TMEM236: variants seen among roughly 807,000 people sequenced by gnomAD.
TMEM236 encodes the protein family with sequence similarity 23, member A.
TMEM236 carries 11 observed loss-of-function variants against 14.7 expected under a neutral mutation model. The observed-to-expected ratio is 0.75, with a 90% CI of 0.47 to 1.24. The LOEUF is 1.24. Among genes scored for constraint, TMEM236 ranks in the 50% most tolerant of loss-of-function variants. TMEM236 has a pLI of 0.00. For synonymous variants in TMEM236, 182 were observed against 168.6 expected (o/e 1.08, Z -0.62); for missense variants, 464 against 427.3 (o/e 1.09, Z -0.76).
chr10:17,797,732 A>G lies in TMEM236; in HGVS notation c.*1228A>G, dbSNP rs2130543456. 6.6e-6 allele frequency: 1 copy of G among 152,324 alleles called. No homozygotes were observed. The highest frequency in any genetic ancestry group is 1.5e-5 in the Non-Finnish European group (1 of 68,030). 9.4% of individuals were successfully genotyped at this position (152,324 alleles called of 1,614,324 possible). ...CATAAAAAGCAATTCACTTTAACAG[A>G]TATTTGGCTCAGTTTAAGGCTTAGC... On this transcript the variant is annotated 3_prime_UTR_variant, in exon 4 of 4. Coordinates refer to ENST00000377495, the MANE Select transcript of TMEM236 (RefSeq NM_001098844.3).
In TMEM236 at chr10:17,785,963, G is replaced by A. The variant is rs535882134; in HGVS notation, c.472+9793G>A. On this transcript the variant is annotated intron_variant, in intron 3 of 3. Coordinates refer to ENST00000377495, the MANE Select transcript of TMEM236 (RefSeq NM_001098844.3). ...TGAGATTGGGCCAAAAGCTATACTG[G>A]AGTGAGCCGGGTACCAACAGACATA... Among the ~76,000 whole-genome samples, 11 of 152,268 alleles carry A rather than the reference G, an allele frequency of 7.2e-5. No homozygotes were observed. The South Asian group carries it at 2.1e-3, about 29-fold the overall frequency.
chr10:17,779,858 C>G (rs1478170139), intron 3 of TMEM236, among the ~76,000 whole-genome samples: 1 of 152,146 alleles, frequency 6.6e-6, no homozygotes, highest in Non-Finnish European at 1.5e-5. Flanking sequence ...TCTACCACTC[C>G]TGCTCGGCTC....
chr10:17,783,859 T>A (rs1370497964), intron 3 of TMEM236, among the ~76,000 whole-genome samples: 1 of 152,192 alleles, frequency 6.6e-6, no homozygotes, highest in African/African-American at 2.4e-5. Flanking sequence ...ATTGGCCAGT[T>A]GTATTTTTCT....
chr10:17,797,335 C>A lies in TMEM236; in HGVS notation c.*831C>A, dbSNP rs570439524. The A allele has an allele frequency of 2.0e-5, 3 of 150,470 alleles. No homozygotes were observed. The highest frequency in any genetic ancestry group is 2.0e-4 in the Admixed American group (3 of 15,154). 9.3% of individuals were successfully genotyped at this position (150,470 alleles called of 1,614,324 possible). ...TGAGACGATGTCTCGCTCTTGTCCC[C>A]TAGGCTGGAGTGCGATGGCGCGTTC... On this transcript the variant is annotated 3_prime_UTR_variant, in exon 4 of 4. Transcript: ENST00000377495.
rs1837220136 is a variant in TMEM236, at chr10:17,752,243, G to T, written c.-53G>T. ...TTCAGTGTCTGTGGGTCCATATGCT[G>T]CCCACAGTCAAAGAGGGAGTCCCAG... On this transcript the variant is annotated 5_prime_UTR_variant, in exon 1 of 4. Transcript: ENST00000377495. The T allele has an allele frequency of 6.2e-7, 1 of 1,613,720 alleles. No homozygotes were observed. Among genetic ancestry groups the T allele is most frequent in the African/African-American group, 1.3e-5 (1 of 74,912 alleles).
intron 2 of TMEM236, 24 bp downstream of exon 2, chr10:17,771,405 G>T (rs1837570090): frequency 3.1e-6 from 5 of 1,605,168 alleles, no homozygotes; most frequent in Non-Finnish European, 4.3e-6. Flanking sequence ...GATTTCTTCT[G>T]CTACAAGATT....
At chr10:17,771,194 A>T in intron 1 of TMEM236, 115 bp from the exon 2 acceptor site, 1 of 937,852 alleles carries the variant, frequency 1.1e-6, no homozygotes, top group Non-Finnish European at 1.7e-6. Flanking sequence ...GGGAAGCAGC[A>T]GCTTCTTAGA....
intron 1 of TMEM236, among the ~76,000 whole-genome samples, chr10:17,768,410 CTT>C (rs1837510784): frequency 6.6e-6 from 1 of 151,808 alleles, no homozygotes; most frequent in African/African-American, 2.4e-5. Context: ...TTAAAAAAGA[CTT>C]TAGGTAATTT....
intron 3 of TMEM236, among the ~76,000 whole-genome samples, chr10:17,794,496 T>C (rs1837976960): frequency 1.7e-5 from 2 of 114,916 alleles, no homozygotes; most frequent in South Asian, 5.1e-4. Flanking sequence ...TTGTACATAA[T>C]CCAACCTCAA....
rs1838053403 is a variant in TMEM236 at position 17,798,725 on chromosome 10, G to C, written c.*2221G>C. 7.5e-6 allele frequency: 4 copies of C among 533,560 alleles called. No homozygotes were observed. The Admixed American group carries it at 7.8e-5, about 10-fold the overall frequency. 33.1% of individuals were successfully genotyped at this position (533,560 alleles called of 1,614,324 possible). A position where few individuals can be genotyped will look rare whatever the true frequency, so the allele number is the denominator to read the frequency against. ...TGAGGTAGGTTCTATAACCTCTGTG[G>C]GTCCCCGTTTCCACATGTAAAAGAT... is the stretch of plus-strand genomic sequence containing the variant. On this transcript the variant is annotated 3_prime_UTR_variant, in exon 4 of 4. Transcript: ENST00000377495.
rs1445072305 is a variant in TMEM236, at chr10:17,770,541, G to A, written c.258-768G>A. On this transcript the variant is annotated intron_variant, in intron 1 of 3. Transcript: ENST00000377495. The stretch of plus-strand genomic sequence containing the variant: ...TGGGACTACAGGTGCTCGCCACCAC[G>A]CCCGGCTAATATTTTGTATTTTTAG... Among the ~76,000 whole-genome samples, 13 of 152,114 alleles carry A rather than the reference G, an allele frequency of 8.5e-5. 2 individuals carry two copies. The highest frequency in any genetic ancestry group is 1.9e-4 in the East Asian group (1 of 5,158).
intron 1 of TMEM236, among the ~76,000 whole-genome samples, chr10:17,766,443 T>C (rs1432530472): frequency 6.6e-6 from 1 of 152,190 alleles, no homozygotes; most frequent in Non-Finnish European, 1.5e-5. Flanking sequence ...TTCATGACAA[T>C]GTATCTACTC....
At chr10:17,790,091 G>A (rs887793872) in intron 3 of TMEM236, among the ~76,000 whole-genome samples, 31 of 152,056 alleles carry the variant, frequency 2.0e-4, no homozygotes, top group Admixed American at 1.5e-3. Context: ...TGAGCCAGGC[G>A]TCATAGCGCA....
Position 17,755,564 on chromosome 10 carries a change from G to C in TMEM236, c.257+3012G>C, listed in dbSNP as rs1413455308. On this transcript the variant is annotated intron_variant, in intron 1 of 3. Transcript: ENST00000377495. ...GTTGTTGGCACTGCTTTTATCAGTA[G>C]GGTTTAGGGGCTTTCCAAACCTTGA... is the stretch of plus-strand genomic sequence containing the variant. 2.0e-5 allele frequency among the ~76,000 whole-genome samples: 3 copies of C among 152,250 alleles called. No individual in the cohort carries two copies. In the East Asian group the frequency reaches 5.8e-4, roughly 29 times the overall value.
intron 3 of TMEM236, among the ~76,000 whole-genome samples, chr10:17,785,823 AT>A (rs1185721247): frequency 1.5e-4 from 23 of 151,884 alleles, no homozygotes; most frequent in African/African-American, 4.3e-4. Flanking sequence ...TAGTTCTAGG[AT>A]TTTTTTTCCT....
chr10:17,784,178 A>G (rs987283106), intron 3 of TMEM236, among the ~76,000 whole-genome samples: 6 of 152,286 alleles, frequency 3.9e-5, no homozygotes, highest in African/African-American at 1.4e-4. Context: ...TTATTTACCA[A>G]TTATTTTCCC....
At chr10:17,761,401 A>T (rs2131742176) in intron 1 of TMEM236, among the ~76,000 whole-genome samples, 1 of 152,196 alleles carries the variant, frequency 6.6e-6, no homozygotes, top group Non-Finnish European at 1.5e-5. Context: ...TCCTTAAAAA[A>T]AGTTTTCTGG....
chr10:17,790,293 G>T (rs1837905521), intron 3 of TMEM236, among the ~76,000 whole-genome samples: 2 of 152,192 alleles, frequency 1.3e-5, no homozygotes, highest in African/African-American at 4.8e-5. Context: ...AGTTCAGAGT[G>T]CTGTATTTGA....
chr10:17,798,536 T>TA lies in TMEM236; in HGVS notation c.*2040dup. 7.5e-6 allele frequency: 4 copies of TA among 533,824 alleles called. No individual in the cohort carries two copies. The highest frequency in any genetic ancestry group is 1.5e-5 in the Non-Finnish European group (4 of 259,656). 33.1% of individuals were successfully genotyped at this position (533,824 alleles called of 1,614,324 possible). ...ACTGGGCAACAGAGTGACACCCATC[T>TA]AAAAAAAATAAAAGAGAATTTGACG... On this transcript the variant is annotated 3_prime_UTR_variant, in exon 4 of 4. Coordinates refer to ENST00000377495, the MANE Select transcript of TMEM236 (RefSeq NM_001098844.3).
Sources: allele counts gnomAD v4.1 joint callset (sites outside exome capture counted in the v4.1 genomes callset), GRCh38; gene constraint gnomAD v4.1.1; transcripts MANE v1.5; gene names NCBI Gene and HGNC (gene_info 2026-07-23, HGNC 2026-07-21).